Variants in ZMYM2 observed in about 807,000 individuals in gnomAD.
The protein encoded by ZMYM2 is zinc finger MYM-type protein 2.
Under a neutral mutation model 162.8 loss-of-function variants are expected in ZMYM2, and 56 were observed. The observed-to-expected ratio is 0.34, with a 90% CI of 0.28 to 0.43. The LOEUF is 0.43. Ranked by LOEUF, ZMYM2 falls within the 20% of genes least tolerant of loss-of-function variation. ZMYM2 has a pLI of 1.00. For synonymous variants in ZMYM2, 510 were observed against 541.6 expected (o/e 0.94, Z 0.81); for missense variants, 1,275 against 1,621.8 (o/e 0.79, Z 3.67).
intron 7 of ZMYM2, among the ~76,000 whole-genome samples, chr13:20,022,711 A>AGGG (rs1228787236): frequency 2.6e-5 from 4 of 152,294 alleles, no homozygotes; most frequent in Admixed American, 2.6e-4. Context: ...GATGATTTCC[A>AGGG]GGTTTTATTG....
chr13:19,964,149 G>A (rs1477646720), intron 2 of ZMYM2, among the ~76,000 whole-genome samples: 1 of 150,964 alleles, frequency 6.6e-6, no homozygotes, highest in Non-Finnish European at 1.5e-5. Flanking sequence ...GACTGAGGCG[G>A]GTGGATCACC....
chr13:19,963,374 A>T (rs1474576464), intron 2 of ZMYM2, among the ~76,000 whole-genome samples: 1 of 152,250 alleles, frequency 6.6e-6, no homozygotes, highest in Non-Finnish European at 1.5e-5. Context: ...GTTCTAATGC[A>T]GGTCTCCAAT....
At chr13:20,036,368 C>T (rs927884012) in intron 11 of ZMYM2, among the ~76,000 whole-genome samples, 4 of 151,984 alleles carry the variant, frequency 2.6e-5, no homozygotes, top group African/African-American at 9.7e-5. Context: ...CAGAGCCTCT[C>T]AGTAGTCTAC....
chr13:19,866,103 T>TC, the ZMYM2 span, among the ~76,000 whole-genome samples: 1 of 151,992 alleles, frequency 6.6e-6, no homozygotes, highest in African/African-American at 2.4e-5. Flanking sequence ...ACGCCTGTAA[T>TC]CCCAGCTATT....
the ZMYM2 span, among the ~76,000 whole-genome samples, chr13:19,880,872 GT>G: frequency 6.6e-6 from 1 of 151,196 alleles, no homozygotes; most frequent in African/African-American, 2.4e-5. Flanking sequence ...GAATCTTAAA[GT>G]TTTTTTGTTT....
upstream of ZMYM2, among the ~76,000 whole-genome samples, chr13:19,958,495 G>A (rs1252936384): frequency 3.9e-5 from 6 of 152,010 alleles, no homozygotes; most frequent in Non-Finnish European, 8.8e-5. Flanking sequence ...GAGGGGACCC[G>A]GCCAGGAGTC....
In ZMYM2 at chr13:19,958,804, AGG is replaced by A. The variant is rs966417720; in HGVS notation, c.-114_-113del. ...TCGCCGAAGGGGGGTGGGCCGGGGG[AGG>A]GGAGGTTCGTTCCGCGGAGCCCCAG... On this transcript the variant is annotated 5_prime_UTR_variant, in exon 1 of 25. Coordinates refer to ENST00000610343, the MANE Select transcript of ZMYM2 (RefSeq NM_197968.4). 2 of 130,066 alleles carry A rather than the reference AGG, an allele frequency of 1.5e-5. No individual in the cohort carries two copies. The highest frequency in any genetic ancestry group is 2.8e-5 in the African/African-American group (1 of 35,170). 8.1% of individuals were successfully genotyped at this position (130,066 alleles called of 1,614,324 possible).
chr13:19,968,368 G>A lies in ZMYM2; in HGVS notation c.-11+8342G>A, dbSNP rs191604161. The stretch of plus-strand genomic sequence containing the variant: ...AGCGATTCTCCTGCCTCAACCTCCC[G>A]AGTAGCTGGGACTACAGGTGCACTG... On this transcript the variant is annotated intron_variant, in intron 2 of 24. Coordinates refer to ENST00000610343, the MANE Select transcript of ZMYM2 (RefSeq NM_197968.4). Among the ~76,000 whole-genome samples the A allele has an allele frequency of 4.3e-3, 649 of 152,102 alleles. 6 individuals carry two copies. Among genetic ancestry groups the A allele is most frequent in the African/African-American group, 0.015 (611 of 41,478 alleles).
chr13:20,073,384 T>C (rs1477007727), intron 21 of ZMYM2, among the ~76,000 whole-genome samples: 2 of 152,234 alleles, frequency 1.3e-5, no homozygotes, highest in Non-Finnish European at 2.9e-5. Flanking sequence ...AAACAATCCT[T>C]AGCTCATAGG....
At chr13:19,873,716 T>C in the ZMYM2 span, among the ~76,000 whole-genome samples, 1 of 150,238 alleles carries the variant, frequency 6.7e-6, no homozygotes, top group Non-Finnish European at 1.5e-5. Context: ...CCAGAGTCGA[T>C]TTTAAACATG....
chr13:19,968,481 C>T (rs1365545483), intron 2 of ZMYM2, among the ~76,000 whole-genome samples: 13 of 152,224 alleles, frequency 8.5e-5, no homozygotes, highest in Admixed American at 4.6e-4. Flanking sequence ...AGGCTGGTCT[C>T]GAACTCCTGA....
Position 20,006,388 on chromosome 13 carries a change from C to A in ZMYM2, c.1314C>A (p.Val438=). The A allele has an allele frequency of 6.3e-7, 1 of 1,586,354 alleles. No individual in the cohort carries two copies. Among genetic ancestry groups the A allele is most frequent in the South Asian group, 1.1e-5 (1 of 87,688 alleles). Residue 438 remains valine, a synonymous_variant, in exon 6 of 25, where the codon GTC becomes GTA. Transcript: ENST00000610343. ...TTTTCTTTTAGATTCGCCATGAAGT[C>A]AGCTTTAAAAATATGACTCATAAGC... ...CGKLTEIRHE[V]SFKNMTHKLC...
the ZMYM2 span, among the ~76,000 whole-genome samples, chr13:19,937,990 A>G: frequency 6.6e-6 from 1 of 151,804 alleles, no homozygotes; most frequent in African/African-American, 2.4e-5. Flanking sequence ...TCCATGGTGT[A>G]TATGTGCTGC....
chr13:19,884,579 GAAA>G, the ZMYM2 span, among the ~76,000 whole-genome samples: 1 of 150,634 alleles, frequency 6.6e-6, no homozygotes, highest in Non-Finnish European at 1.5e-5. Flanking sequence ...GTATCAAAAA[GAAA>G]AAAAAAGCCG....
At chr13:19,877,226 AAAC>A in the ZMYM2 span, among the ~76,000 whole-genome samples, 12 of 151,754 alleles carry the variant, frequency 7.9e-5, no homozygotes, top group South Asian at 2.1e-4. Flanking sequence ...AAAAAAAAAA[AAAC>A]AAAGAAGTTT....
chr13:19,971,588 T>C (rs1332947441), intron 2 of ZMYM2, among the ~76,000 whole-genome samples: 3 of 151,964 alleles, frequency 2.0e-5, no homozygotes, highest in Non-Finnish European at 4.4e-5. Context: ...TTTAAGAAGT[T>C]CTTTAGATAT....
chr13:20,081,947 G>A, intron 21 of ZMYM2, 69 bp from the exon 22 acceptor site: 3 of 932,288 alleles, frequency 3.2e-6, no homozygotes, highest in Non-Finnish European at 4.7e-6. Context: ...AATACGGAGT[G>A]TAATATGTTT....
chr13:19,982,032 A>G lies in ZMYM2; in HGVS notation c.-10-11031A>G, dbSNP rs188655041. ...GCCTTCCAATTTCCTGAATGGGGAG[A>G]TGTGTGACTTGCAGTTTTAGGTGGA... On this transcript the variant is annotated intron_variant, in intron 2 of 24. Coordinates refer to ENST00000610343, the MANE Select transcript of ZMYM2 (RefSeq NM_197968.4). Among the ~76,000 whole-genome samples the G allele has an allele frequency of 3.9e-5, 6 of 152,188 alleles. No homozygotes were observed. The East Asian group carries it at 1.2e-3, about 29-fold the overall frequency.
chr13:20,012,279 G>A (rs1396049711), intron 6 of ZMYM2, among the ~76,000 whole-genome samples: 2 of 151,984 alleles, frequency 1.3e-5, no homozygotes, highest in African/African-American at 2.4e-5. Flanking sequence ...GGGTCCAAGC[G>A]ATTCTTCTGC....
Sources: gnomAD v4.1 joint callset for allele counts (sites outside exome capture counted in the v4.1 genomes callset) on GRCh38, gnomAD v4.1.1 for gene constraint, MANE v1.5 for transcripts, NCBI Gene and HGNC (gene_info 2026-07-23, HGNC 2026-07-21) for gene names.